Variants in NELL1 observed in about 807,000 individuals in gnomAD.
The protein encoded by NELL1 is neural EGFL like 1, also known as protein kinase C-binding protein NELL1.
A neutral mutation model predicts 107.4 loss-of-function variants in NELL1; 76 were observed. The observed-to-expected ratio is 0.71, with a 90% CI of 0.59 to 0.86. The LOEUF (loss-of-function observed/expected upper bound fraction) is 0.86. NELL1 is among the 40% of genes least tolerant of loss of function. NELL1 has a pLI of 0.00. For synonymous variants in NELL1, 353 were observed against 341.2 expected (o/e 1.03, Z -0.38); for missense variants, 1,024 against 1,005.5 (o/e 1.02, Z -0.25).
At chr11:20,958,345 C>G (rs1914245) in intron 11 of NELL1, among the ~76,000 whole-genome samples, 1 of 151,794 alleles carries the variant, frequency 6.6e-6, no homozygotes, top group African/African-American at 2.4e-5. Flanking sequence ...CCCATGAGGC[C>G]GAGGCTGCAA....
intron 12 of NELL1, among the ~76,000 whole-genome samples, chr11:21,070,225 G>A (rs930073342): frequency 6.6e-6 from 1 of 152,060 alleles, no homozygotes. Flanking sequence ...CTCAAAGGCA[G>A]CTGGATGTAC....
At chr11:21,168,688 C>A (rs920163737) in intron 13 of NELL1, among the ~76,000 whole-genome samples, 10 of 151,864 alleles carry the variant, frequency 6.6e-5, no homozygotes, top group Non-Finnish European at 1.5e-4. Flanking sequence ...CCTAAAATCT[C>A]TGAGTTACTG....
chr11:20,928,237 TG>T, intron 8 of NELL1, 139 bp from the exon 9 acceptor site: 1 of 778,942 alleles, frequency 1.3e-6, no homozygotes. Flanking sequence ...ACTTCATCTG[TG>T]GTCCTGGAGT....
At chr11:21,372,807 C>A (rs1335879889) in intron 15 of NELL1, among the ~76,000 whole-genome samples, 3 of 151,958 alleles carry the variant, frequency 2.0e-5, no homozygotes, top group African/African-American at 7.2e-5. Flanking sequence ...TTACCTTAGA[C>A]CAGGGCCTGT....
At chr11:20,728,741 A>T (rs1330008206) in intron 2 of NELL1, among the ~76,000 whole-genome samples, 2 of 152,000 alleles carry the variant, frequency 1.3e-5, no homozygotes, top group Non-Finnish European at 2.9e-5. Context: ...AGGTAATGTG[A>T]TGTTTCTGGC....
At chr11:21,052,588 G>C (rs1383557149) in intron 12 of NELL1, among the ~76,000 whole-genome samples, 2 of 152,144 alleles carry the variant, frequency 1.3e-5, no homozygotes, top group African/African-American at 4.8e-5. Context: ...TGAAGAAATA[G>C]TGAGGAAGGA....
At chr11:20,723,189 T>C (rs185835238) in intron 2 of NELL1, among the ~76,000 whole-genome samples, 73 of 152,258 alleles carry the variant, frequency 4.8e-4, no homozygotes, top group South Asian at 3.9e-3. Context: ...CCTTTTCACA[T>C]TTCAAAATCA....
At chr11:21,335,924 AGT>A (rs1328999609) in intron 14 of NELL1, among the ~76,000 whole-genome samples, 6 of 152,100 alleles carry the variant, frequency 3.9e-5, no homozygotes, top group African/African-American at 1.4e-4. Context: ...AGTTTGCTTT[AGT>A]TCTGTATAAA....
At chr11:20,847,550 A>G (rs746049270) in intron 3 of NELL1, 33 bp from the exon 4 acceptor site, 2 of 1,599,244 alleles carry the variant, frequency 1.3e-6, no homozygotes, top group Admixed American at 3.4e-5. Flanking sequence ...TCCAGAACTA[A>G]AATAAAACAA....
intron 2 of NELL1, among the ~76,000 whole-genome samples, chr11:20,737,099 T>C (rs1339277233): frequency 6.6e-6 from 1 of 152,080 alleles, no homozygotes; most frequent in Non-Finnish European, 1.5e-5. Flanking sequence ...TGTGTAGCCT[T>C]CTTCCCTACG....
intron 2 of NELL1, among the ~76,000 whole-genome samples, chr11:20,703,111 C>T (rs1320935181): frequency 6.6e-6 from 1 of 152,128 alleles, no homozygotes; most frequent in African/African-American, 2.4e-5. Flanking sequence ...TGTTAGAATT[C>T]AGCTGTGAAT....
At chr11:21,539,871 C>G (rs1856248603) in intron 16 of NELL1, among the ~76,000 whole-genome samples, 1 of 151,730 alleles carries the variant, frequency 6.6e-6, no homozygotes, top group African/African-American at 2.4e-5. Context: ...CCATTTAGGG[C>G]TCCCTTTGCC....
intron 13 of NELL1, among the ~76,000 whole-genome samples, chr11:21,138,547 T>C (rs796707725): frequency 4.6e-5 from 7 of 152,334 alleles, no homozygotes; most frequent in African/African-American, 1.4e-4. Flanking sequence ...AAACAAAGTC[T>C]GCCCCCTACC....
chr11:21,139,920 C>A (rs771445211), intron 13 of NELL1, among the ~76,000 whole-genome samples: 19 of 151,998 alleles, frequency 1.3e-4, no homozygotes, highest in Non-Finnish European at 1.3e-4. Flanking sequence ...CCATTTTTTT[C>A]CTATGATTCA....
chr11:21,504,281 C>T (rs1855226377), intron 15 of NELL1: 1 of 152,164 alleles, frequency 6.6e-6, no homozygotes, highest in Non-Finnish European at 1.5e-5. Context: ...TTATATTTGT[C>T]AAGGGCTTTG....
chr11:20,931,240 G>A (rs1216824594), intron 9 of NELL1, among the ~76,000 whole-genome samples: 1 of 152,048 alleles, frequency 6.6e-6, no homozygotes, highest in Non-Finnish European at 1.5e-5. Flanking sequence ...CCGGGGGAAG[G>A]CCTGGGATGC....
At chr11:20,982,174 A>G (rs1851763663) in intron 12 of NELL1, among the ~76,000 whole-genome samples, 1 of 152,190 alleles carries the variant, frequency 6.6e-6, no homozygotes, top group Admixed American at 6.5e-5. Flanking sequence ...AATCTGTAAC[A>G]TAGTGAGTAG....
chr11:21,532,857 C>G (rs1856026583), intron 15 of NELL1, among the ~76,000 whole-genome samples: 1 of 152,186 alleles, frequency 6.6e-6, no homozygotes, highest in Non-Finnish European at 1.5e-5. Context: ...GGAGCCACAG[C>G]CCTTAGTCAT....
chr11:20,932,814 A>G (rs1850646097), intron 9 of NELL1, among the ~76,000 whole-genome samples: 1 of 152,198 alleles, frequency 6.6e-6, no homozygotes, highest in Admixed American at 6.5e-5. Flanking sequence ...CTCCAGAGAG[A>G]TCTCTGTTAC....
Sources: allele counts gnomAD v4.1 joint callset (sites outside exome capture counted in the v4.1 genomes callset), GRCh38; gene constraint gnomAD v4.1.1; transcripts MANE v1.5; gene names NCBI Gene and HGNC (gene_info 2026-07-23, HGNC 2026-07-21).